MAGI2: variants seen among roughly 807,000 people sequenced by gnomAD.
MAGI2 encodes membrane-associated guanylate kinase, WW and PDZ domain-containing protein 2.
In MAGI2, 35 loss-of-function variants were observed where a neutral mutation model predicts 133.3. That is an observed-to-expected ratio of 0.26 (90% CI 0.20 to 0.35). The LOEUF is 0.35. Ranked by LOEUF, MAGI2 falls within the 10% of genes least tolerant of loss-of-function variation. The probability of loss-of-function intolerance (pLI) is 1.00; values close to 1 mark genes in which losing one functional copy is unlikely to be tolerated. For missense variants in MAGI2, 1,636 were observed against 1,863.4 expected, an observed-to-expected ratio of 0.88 and a Z score of 2.25; for synonymous variants, 729 against 710.6, an observed-to-expected ratio of 1.03 and a Z score of -0.41.
At chr7:78,852,005 A>G (rs1793175293) in intron 2 of MAGI2, among the ~76,000 whole-genome samples, 1 of 152,276 alleles carries the variant, frequency 6.6e-6, no homozygotes, top group Admixed American at 6.5e-5. Context: ...CACTCTCACT[A>G]GTAGTATATG....
At chr7:78,285,537 G>A (rs1211491869) in intron 9 of MAGI2, among the ~76,000 whole-genome samples, 1 of 152,096 alleles carries the variant, frequency 6.6e-6, no homozygotes, top group Non-Finnish European at 1.5e-5. Context: ...GGAATCCTAT[G>A]GTCATAAGAC....
intron 2 of MAGI2, among the ~76,000 whole-genome samples, chr7:78,952,650 T>C (rs1245572265): frequency 6.6e-6 from 1 of 152,160 alleles, no homozygotes; most frequent in Non-Finnish European, 1.5e-5. Flanking sequence ...TATATGTAAC[T>C]ATGAAGAAAA....
At chr7:78,652,318 G>A (rs1041670202) in intron 2 of MAGI2, among the ~76,000 whole-genome samples, 1 of 152,014 alleles carries the variant, frequency 6.6e-6, no homozygotes, top group Non-Finnish European at 1.5e-5. Context: ...ATAGTAAAGG[G>A]TAAGACAATA....
chr7:79,013,501 T>C (rs1808387282), intron 1 of MAGI2, among the ~76,000 whole-genome samples: 1 of 152,136 alleles, frequency 6.6e-6, no homozygotes, highest in Non-Finnish European at 1.5e-5. Context: ...GACAGGAAAG[T>C]ATTATAGGGC....
chr7:78,187,283 T>C (rs902695216), intron 12 of MAGI2, among the ~76,000 whole-genome samples: 41 of 152,136 alleles, frequency 2.7e-4, no homozygotes, highest in Non-Finnish European at 3.5e-4. Flanking sequence ...TTCATACCAT[T>C]ATTATTATTT....
intron 4 of MAGI2, among the ~76,000 whole-genome samples, chr7:78,506,176 G>A (rs982369660): frequency 2.6e-5 from 4 of 152,076 alleles, no homozygotes; most frequent in Admixed American, 6.6e-5. Flanking sequence ...ATGGTGGCAC[G>A]GAGATGGAAA....
rs1344359395 is a variant in MAGI2 at position 79,372,014 on chromosome 7, C to T, written c.301+81006G>A. Among the ~76,000 whole-genome samples, 4 of 152,146 alleles carry T rather than the reference C, an allele frequency of 2.6e-5. No homozygotes were observed. In the East Asian group the frequency reaches 7.7e-4, roughly 29 times the overall value. ...TATTACTTAATATCCCATTACAGAG[C>T]AACCCTACGAGGTAGCTACTAGTGT... On this transcript the variant is annotated intron_variant, in intron 1 of 21. Transcript: ENST00000354212.
intron 2 of MAGI2, among the ~76,000 whole-genome samples, chr7:78,865,473 G>C (rs1279426843): frequency 2.0e-5 from 3 of 152,140 alleles, no homozygotes; most frequent in East Asian, 3.9e-4. Context: ...ATTCTGGAAG[G>C]AATCAACAAG....
At chr7:78,519,104 G>C (rs114679176) in intron 4 of MAGI2, 2 of 142,274 alleles carry the variant, frequency 1.4e-5, no homozygotes, top group Non-Finnish European at 3.0e-5. Context: ...TGAAGAACAC[G>C]AAGGCAGGGC....
rs149831573 is a variant in MAGI2, at chr7:79,352,120, G to C, written c.301+100900C>G. On this transcript the variant is annotated intron_variant, in intron 1 of 21. Coordinates refer to ENST00000354212, the MANE Select transcript of MAGI2 (RefSeq NM_012301.4). ...ATTGGTAAAGAATAAATGAAGCATC[G>C]TTATCTTTTGAGCAAAAAAAGAAAA... is the stretch of plus-strand genomic sequence containing the variant. Among the ~76,000 whole-genome samples the C allele has an allele frequency of 1.6e-3, 244 of 152,104 alleles. 1 individual carries two copies. The highest frequency in any genetic ancestry group is 5.4e-3 in the African/African-American group (224 of 41,506).
chr7:79,243,807 G>A (rs192317679), intron 1 of MAGI2, among the ~76,000 whole-genome samples: 50 of 152,096 alleles, frequency 3.3e-4, no homozygotes, highest in African/African-American at 8.7e-4. Context: ...ATGAATACTC[G>A]TCAAAAAGAC....
chr7:78,762,031 A>G (rs1563470187), intron 2 of MAGI2, among the ~76,000 whole-genome samples: 1 of 151,682 alleles, frequency 6.6e-6, no homozygotes, highest in African/African-American at 2.4e-5. Flanking sequence ...TATTTAGCCC[A>G]ATTTTCTTTC....
intron 1 of MAGI2, among the ~76,000 whole-genome samples, chr7:79,371,823 C>T (rs946768295): frequency 6.6e-6 from 1 of 152,130 alleles, no homozygotes; most frequent in Non-Finnish European, 1.5e-5. Flanking sequence ...AGATAACCTA[C>T]TAAAAATGCA....
intron 9 of MAGI2, among the ~76,000 whole-genome samples, chr7:78,334,013 G>A (rs1789500545): frequency 6.6e-6 from 1 of 152,180 alleles, no homozygotes; most frequent in Non-Finnish European, 1.5e-5. Context: ...GGTTTCAAAA[G>A]GAAGCCTGCT....
intron 10 of MAGI2, among the ~76,000 whole-genome samples, chr7:78,211,055 G>A (rs1037366630): frequency 1.3e-5 from 2 of 152,094 alleles, no homozygotes; most frequent in Non-Finnish European, 1.5e-5. Flanking sequence ...AGATGAGAAG[G>A]AACCTGAGTA....
intron 1 of MAGI2, among the ~76,000 whole-genome samples, chr7:79,093,732 T>A (rs1817285982): frequency 8.4e-6 from 1 of 118,726 alleles, no homozygotes; most frequent in Non-Finnish European, 2.0e-5. Context: ...TTTTTTTTTT[T>A]AGATGGAGTT....
At chr7:78,897,826 A>C (rs1042939383) in intron 2 of MAGI2, among the ~76,000 whole-genome samples, 2 of 152,148 alleles carry the variant, frequency 1.3e-5, no homozygotes, top group African/African-American at 4.8e-5. Flanking sequence ...AGCCACAAGC[A>C]ATCACAATGA....
chr7:78,635,687 G>T (rs991339985), intron 2 of MAGI2, among the ~76,000 whole-genome samples: 1 of 152,160 alleles, frequency 6.6e-6, no homozygotes, highest in African/African-American at 2.4e-5. Flanking sequence ...GACAGCTAGG[G>T]TGACTTCCTC....
chr7:78,671,685 A>G (rs1010780758), intron 2 of MAGI2, among the ~76,000 whole-genome samples: 1 of 152,170 alleles, frequency 6.6e-6, no homozygotes, highest in African/African-American at 2.4e-5. Context: ...AGAATTCTAC[A>G]GGAAATGTAA....
Sources: gnomAD v4.1 joint callset for allele counts (sites outside exome capture counted in the v4.1 genomes callset) on GRCh38, gnomAD v4.1.1 for gene constraint, MANE v1.5 for transcripts, NCBI Gene and HGNC (gene_info 2026-07-23, HGNC 2026-07-21) for gene names.